TNR: variants seen among roughly 807,000 people sequenced by gnomAD.
TNR encodes the protein tenascin-R.
A neutral mutation model predicts 150.4 loss-of-function variants in TNR; 45 were observed. The ratio of observed to expected loss-of-function variants is 0.30; its 90% CI spans 0.24 to 0.38. The LOEUF is 0.38. TNR is among the 10% of genes least tolerant of loss of function. The pLI, the probability that TNR is intolerant of heterozygous loss-of-function variation, is 1.00. For synonymous variants in TNR, 687 were observed against 678.4 expected, an observed-to-expected ratio of 1.01 and a Z score of -0.20; for missense variants, 1,544 against 1,759.1, an observed-to-expected ratio of 0.88 and a Z score of 2.19.
At chr1:175,402,308 C>T (rs1231216107) in intron 4 of TNR, among the ~76,000 whole-genome samples, 5 of 82,352 alleles carry the variant, frequency 6.1e-5, no homozygotes, top group East Asian at 4.6e-4. Context: ...AGCGAGACTC[C>T]GTCTCAAAAA....
chr1:175,708,790 T>C (rs1558084462), intron 1 of TNR, among the ~76,000 whole-genome samples: 1 of 152,214 alleles, frequency 6.6e-6, no homozygotes, highest in Non-Finnish European at 1.5e-5. Context: ...AAATGGAGTC[T>C]GAGTCCATTT....
chr1:175,618,762 A>T (rs1663862352), intron 1 of TNR, among the ~76,000 whole-genome samples: 1 of 152,070 alleles, frequency 6.6e-6, no homozygotes, highest in Non-Finnish European at 1.5e-5. Flanking sequence ...CCTGTTTGTC[A>T]CCTCCAGGAA....
chr1:175,642,826 G>A (rs564259259), intron 1 of TNR, among the ~76,000 whole-genome samples: 50 of 152,306 alleles, frequency 3.3e-4, no homozygotes, highest in African/African-American at 1.1e-3. Flanking sequence ...AGCTACTCAG[G>A]AGGCTGAAGC....
intron 16 of TNR, among the ~76,000 whole-genome samples, chr1:175,355,927 A>C (rs2102006358): frequency 6.6e-6 from 1 of 152,092 alleles, no homozygotes; most frequent in Non-Finnish European, 1.5e-5. Flanking sequence ...ATAAACTCTC[A>C]TGTCTGCTTG....
chr1:175,483,392 G>C (rs914350645), intron 2 of TNR, among the ~76,000 whole-genome samples: 1 of 152,196 alleles, frequency 6.6e-6, no homozygotes, highest in Non-Finnish European at 1.5e-5. Flanking sequence ...CAAAGGCACT[G>C]TAAGAGCAGG....
chr1:175,393,878 C>A lies in TNR; in HGVS notation c.1258G>T (p.Gly420Trp). 1 of 1,614,074 alleles carries A rather than the reference C, an allele frequency of 6.2e-7. No homozygotes were observed. Among genetic ancestry groups the A allele is most frequent in the Non-Finnish European group, 8.5e-7 (1 of 1,179,932 alleles). ...KVATHLSTPQGLQFKTITETT... is the reference protein window; with the variant it reads ...KVATHLSTPQWLQFKTITETT... ...TCTGTGATCGTCTTAAATTGTAGCC[C>A]TTGAGGAGTGGAGAGATCTGGAACA... Residue 420 changes from glycine (G) to tryptophan (W), a missense_variant, in exon 6 of 23, where the codon GGG (glycine) becomes TGG (tryptophan). Physicochemically the swap from Gly to Trp is radical, Grantham distance 184. Around this residue, in one of 2 missense-constraint regions of TNR, gnomAD observed 1,254 missense variants for 1,329.4 expected, o/e 0.94. Transcript: ENST00000367674.
chr1:175,359,161 T>TTTTTTTTTTTTTTTTTTG (rs1651472076), intron 15 of TNR, among the ~76,000 whole-genome samples: 1 of 139,818 alleles, frequency 7.2e-6, no homozygotes, highest in Admixed American at 7.4e-5. Context: ...TTTTTTTTTT[T>TTTTTTTTTTTTTTTTTTG]TTTAGATGGA....
intron 1 of TNR, among the ~76,000 whole-genome samples, chr1:175,541,165 C>T (rs933648183): frequency 6.6e-6 from 1 of 152,118 alleles, no homozygotes; most frequent in Non-Finnish European, 1.5e-5. Flanking sequence ...ATGCCATTCC[C>T]TCCACCTCCC....
intron 1 of TNR, among the ~76,000 whole-genome samples, chr1:175,549,677 TG>T (rs1430725507): frequency 1.3e-5 from 2 of 152,168 alleles, no homozygotes; most frequent in Non-Finnish European, 2.9e-5. Flanking sequence ...AGAAATACAA[TG>T]CAAGAGAGGT....
At chr1:175,527,904 TG>T (rs1159818630) in intron 2 of TNR, among the ~76,000 whole-genome samples, 9 of 152,226 alleles carry the variant, frequency 5.9e-5, no homozygotes, top group African/African-American at 2.2e-4. Flanking sequence ...AGAGCGAGAC[TG>T]GTGAATAATT....
chr1:175,615,813 T>A (rs1288292265), intron 1 of TNR, among the ~76,000 whole-genome samples: 1 of 152,208 alleles, frequency 6.6e-6, no homozygotes, highest in African/African-American at 2.4e-5. Flanking sequence ...AGCTTGCACC[T>A]TTCAGTTAGG....
At chr1:175,542,885 A>G (rs919849963) in intron 1 of TNR, among the ~76,000 whole-genome samples, 14 of 151,958 alleles carry the variant, frequency 9.2e-5, no homozygotes, top group African/African-American at 2.7e-4. Flanking sequence ...TTGCTAACTC[A>G]TTTTCCTGAA....
At chr1:175,553,862 C>A (rs1571598999) in intron 1 of TNR, among the ~76,000 whole-genome samples, 1 of 128,372 alleles carries the variant, frequency 7.8e-6, no homozygotes. Context: ...AATAATTACC[C>A]AATTCTGGAA....
intron 21 of TNR, among the ~76,000 whole-genome samples, chr1:175,326,545 C>T (rs1377101840): frequency 6.6e-6 from 1 of 152,230 alleles, no homozygotes; most frequent in Non-Finnish European, 1.5e-5. Context: ...CTTCCAGTCT[C>T]CAGGGACTCA....
At chr1:175,408,145 C>T (rs1654042012) in intron 2 of TNR, among the ~76,000 whole-genome samples, 1 of 152,204 alleles carries the variant, frequency 6.6e-6, no homozygotes, top group Non-Finnish European at 1.5e-5. Context: ...TTTCCTTTGC[C>T]TGCTTCTCCC....
intron 1 of TNR, among the ~76,000 whole-genome samples, chr1:175,707,067 A>G (rs781106406): frequency 7.9e-5 from 12 of 152,206 alleles, no homozygotes; most frequent in South Asian, 2.1e-4. Context: ...TGACTCCTAA[A>G]TGTGACTTTT....
chr1:175,702,232 G>A (rs939889138), intron 1 of TNR, among the ~76,000 whole-genome samples: 6 of 152,146 alleles, frequency 3.9e-5, no homozygotes, highest in Non-Finnish European at 8.8e-5. Flanking sequence ...TGCACTTGGT[G>A]AGGAGCAGCA....
intron 2 of TNR, among the ~76,000 whole-genome samples, chr1:175,407,666 G>T (rs150488926): frequency 6.6e-6 from 1 of 152,188 alleles, no homozygotes; most frequent in Non-Finnish European, 1.5e-5. Flanking sequence ...GTGACTATTC[G>T]TCGGAGAAGA....
intron 1 of TNR, among the ~76,000 whole-genome samples, chr1:175,624,045 T>G (rs1283442336): frequency 6.6e-6 from 1 of 152,060 alleles, no homozygotes; most frequent in Non-Finnish European, 1.5e-5. Flanking sequence ...TTAGGAAGAG[T>G]GGGCACACAC....
Sources: gnomAD v4.1 joint callset for allele counts (sites outside exome capture counted in the v4.1 genomes callset) on GRCh38, gnomAD v4.1.1 for gene constraint, gnomAD v4.1.1 regional missense constraint, MANE v1.5 for transcripts, NCBI Gene and HGNC (gene_info 2026-07-23, HGNC 2026-07-21) for gene names.